DCAF8: variants seen among roughly 807,000 people sequenced by gnomAD.
DCAF8 encodes DDB1- and CUL4-associated factor 8.
Under a neutral mutation model 68.0 loss-of-function variants are expected in DCAF8, and 20 were observed. The observed-to-expected ratio is 0.29, with a 90% confidence interval of 0.21 to 0.43. The LOEUF is 0.43. Among genes scored for constraint, DCAF8 ranks in the 20% least tolerant of loss-of-function variants. The pLI is 1.00. For missense variants in DCAF8, 460 were observed against 771.0 expected (o/e 0.60, Z 4.78); for synonymous variants, 230 against 276.9 (o/e 0.83, Z 1.68).
intron 2 of DCAF8, among the ~76,000 whole-genome samples, chr1:160,255,099 C>T (rs971161892): frequency 2.0e-5 from 3 of 152,164 alleles, no homozygotes; most frequent in Admixed American, 6.5e-5. Flanking sequence ...ATTCTCCAAA[C>T]ATCGTATATA....
intron 8 of DCAF8, 37 bp from the exon 9 acceptor site, chr1:160,225,156 C>A: frequency 6.3e-7 from 1 of 1,598,376 alleles, no homozygotes; most frequent in Non-Finnish European, 8.6e-7. Context: ...ATGCCCCACC[C>A]CCCCATTTGT....
At chr1:160,257,680 G>C (rs1656892938) in intron 2 of DCAF8, among the ~76,000 whole-genome samples, 1 of 152,148 alleles carries the variant, frequency 6.6e-6, no homozygotes, top group African/African-American at 2.4e-5. Context: ...GTCTTAGGTT[G>C]GTCCTACTCC....
chr1:160,231,292 C>T lies in DCAF8; in HGVS notation c.1070+5G>A. The T allele has an allele frequency of 6.2e-7, 1 of 1,608,812 alleles. No homozygotes were observed. Among genetic ancestry groups the T allele is most frequent in the Non-Finnish European group, 8.5e-7 (1 of 1,175,278 alleles). On this transcript the variant is annotated splice_donor_5th_base_variant and intron_variant, in intron 7 of 13. Transcript: ENST00000368074. The stretch of plus-strand genomic sequence containing the variant: ...GTCAAAGACACAAAAGAGCCACAAA[C>T]TCACCTTACAAACTGATCTCGTCCA...
At chr1:160,242,721 C>T (rs1399707759) in intron 3 of DCAF8, among the ~76,000 whole-genome samples, 1 of 152,152 alleles carries the variant, frequency 6.6e-6, no homozygotes, top group Non-Finnish European at 1.5e-5. Flanking sequence ...TACTCAACTC[C>T]AGTATGTAGA....
At chr1:160,256,519 C>G (rs1038065099) in intron 2 of DCAF8, among the ~76,000 whole-genome samples, 1 of 151,922 alleles carries the variant, frequency 6.6e-6, no homozygotes, top group East Asian at 1.9e-4. Flanking sequence ...AGTAACTTGA[C>G]TACCATTAGA....
intron 2 of DCAF8, among the ~76,000 whole-genome samples, chr1:160,255,425 C>T (rs1656798266): frequency 6.6e-6 from 1 of 152,134 alleles, no homozygotes; most frequent in African/African-American, 2.4e-5. Flanking sequence ...TGTACCACCA[C>T]ACCTGGCCTC....
chr1:160,260,588 G>A lies in DCAF8; in HGVS notation c.-27+697C>T, dbSNP rs939862190. 8.9e-5 allele frequency among the ~76,000 whole-genome samples: 13 copies of A among 145,624 alleles called. No homozygotes were observed. In the South Asian group the frequency reaches 1.5e-3, roughly 16 times the overall value. On this transcript the variant is annotated intron_variant, in intron 2 of 13. Transcript: ENST00000368074. Reference sequence around the variant, plus strand: ...GCTACCAGAAACCTGAAAGCCTCACGAAAACTGCATTTATAAGTATGTTCT... The same window carrying A: ...GCTACCAGAAACCTGAAAGCCTCACAAAAACTGCATTTATAAGTATGTTCT...
intron 2 of DCAF8, among the ~76,000 whole-genome samples, chr1:160,244,600 A>C (rs906280896): frequency 1.3e-5 from 2 of 151,952 alleles, no homozygotes; most frequent in Non-Finnish European, 2.9e-5. Context: ...GACTAACTTC[A>C]AACCTATTAT....
intron 4 of DCAF8, chr1:160,239,084 T>C: frequency 1.2e-6 from 1 of 820,178 alleles, no homozygotes; most frequent in Non-Finnish European, 1.5e-6. Flanking sequence ...AAAGTAAATA[T>C]AAATTTGCTA....
intron 6 of DCAF8, among the ~76,000 whole-genome samples, chr1:160,232,381 G>T (rs1280891282): frequency 9.2e-5 from 14 of 152,080 alleles, no homozygotes; most frequent in Non-Finnish European, 5.9e-5. Flanking sequence ...GGTGGCTCAC[G>T]CCTGTAATCC....
chr1:160,259,603 G>A (rs983215029), intron 2 of DCAF8, among the ~76,000 whole-genome samples: 1 of 152,100 alleles, frequency 6.6e-6, no homozygotes, highest in Non-Finnish European at 1.5e-5. Context: ...TAAAAAAAGA[G>A]ACCTTTTCCT....
At chr1:160,254,476 C>T (rs1365776996) in intron 2 of DCAF8, among the ~76,000 whole-genome samples, 1 of 151,772 alleles carries the variant, frequency 6.6e-6, no homozygotes, top group African/African-American at 2.4e-5. Flanking sequence ...CTTTCAGCTT[C>T]ATCTCTTGGC....
chr1:160,254,446 TAAGA>T (rs996344955), intron 2 of DCAF8, among the ~76,000 whole-genome samples: 3 of 152,196 alleles, frequency 2.0e-5, no homozygotes, highest in African/African-American at 4.8e-5. Flanking sequence ...CATATGTTTA[TAAGA>T]AATATTTAAT....
At chr1:160,230,895 G>A (rs191797874) in intron 7 of DCAF8, among the ~76,000 whole-genome samples, 94 of 152,038 alleles carry the variant, frequency 6.2e-4, no homozygotes, top group African/African-American at 9.2e-4. Context: ...GGGACTACAC[G>A]CATGTACCAC....
rs1253041461 is a variant in DCAF8, at chr1:160,216,281, G to C, written c.*1311C>G. The C allele has an allele frequency of 6.6e-6, 1 of 152,142 alleles. No individual in the cohort carries two copies. The highest frequency in any genetic ancestry group is 1.5e-5 in the Non-Finnish European group (1 of 68,042). 9.4% of individuals were successfully genotyped at this position (152,142 alleles called of 1,614,324 possible). ...TTAATGATCAAGCAGCTAAAGGTAA[G>C]AGAGACAGAGTGAGAGAGTGTGTAT... is the stretch of plus-strand genomic sequence containing the variant. On this transcript the variant is annotated 3_prime_UTR_variant, in exon 14 of 14. Transcript: ENST00000368074.
At chr1:160,245,901 G>A (rs1483848253) in intron 2 of DCAF8, among the ~76,000 whole-genome samples, 5 of 152,162 alleles carry the variant, frequency 3.3e-5, no homozygotes, top group Admixed American at 6.5e-5. Context: ...CACTTTGGGA[G>A]GCCGAGGAGG....
intron 10 of DCAF8, 117 bp from the exon 11 acceptor site, chr1:160,222,898 T>A: frequency 7.2e-7 from 1 of 1,397,458 alleles, no homozygotes. Flanking sequence ...TATGCATGTT[T>A]AACAGATAGT....
At chr1:160,220,441 G>A (rs1006484098) in intron 11 of DCAF8, 4 of 152,252 alleles carry the variant, frequency 2.6e-5, no homozygotes, top group Admixed American at 1.3e-4. Context: ...AGAGGAACAA[G>A]AGAATAACAT....
intron 2 of DCAF8, among the ~76,000 whole-genome samples, chr1:160,256,996 A>G (rs1656861793): frequency 6.6e-6 from 1 of 152,234 alleles, no homozygotes; most frequent in Non-Finnish European, 1.5e-5. Flanking sequence ...TCACTCCAAG[A>G]GCAGAATGAC....
Sources: gnomAD v4.1 joint callset for allele counts (sites outside exome capture counted in the v4.1 genomes callset) on GRCh38, gnomAD v4.1.1 for gene constraint, MANE v1.5 for transcripts, NCBI Gene and HGNC (gene_info 2026-07-23, HGNC 2026-07-21) for gene names.